Variants in WDR70 observed in about 807,000 individuals in gnomAD.
WDR70 encodes WD repeat-containing protein 70.
In WDR70, 53 loss-of-function variants were observed where a neutral mutation model predicts 88.6. That is an observed-to-expected ratio of 0.60 (90% CI 0.48 to 0.75). WDR70 has a LOEUF of 0.75. Ranked by LOEUF, WDR70 falls within the 30% of genes least tolerant of loss-of-function variation. The pLI is 0.00. For missense variants in WDR70, 610 were observed against 823.2 expected (o/e 0.74, Z 3.17); for synonymous variants, 280 against 270.0 (o/e 1.04, Z -0.36).
chr5:37,661,657 A>G (rs1201213769), intron 10 of WDR70, among the ~76,000 whole-genome samples: 1 of 152,188 alleles, frequency 6.6e-6, no homozygotes, highest in African/African-American at 2.4e-5. Flanking sequence ...TGGAGATAGA[A>G]TCATAGAGGA....
At chr5:37,618,897 T>C (rs1002034232) in intron 10 of WDR70, among the ~76,000 whole-genome samples, 1 of 152,206 alleles carries the variant, frequency 6.6e-6, no homozygotes, top group African/African-American at 2.4e-5. Context: ...GACATAAAGG[T>C]AAATTCCTGG....
intron 10 of WDR70, among the ~76,000 whole-genome samples, chr5:37,640,004 C>T (rs550791818): frequency 9.7e-4 from 147 of 152,162 alleles, no homozygotes; most frequent in African/African-American, 3.2e-3. Flanking sequence ...AAGTAACTTG[C>T]CTATTTTACA....
intron 5 of WDR70, among the ~76,000 whole-genome samples, chr5:37,436,170 A>G (rs570759828): frequency 6.6e-6 from 1 of 152,258 alleles, no homozygotes; most frequent in South Asian, 2.1e-4. Context: ...GGTAAAGAGG[A>G]AAAGAAGCCT....
chr5:37,652,575 T>A (rs1464432827), intron 10 of WDR70, among the ~76,000 whole-genome samples: 1 of 152,232 alleles, frequency 6.6e-6, no homozygotes, highest in Non-Finnish European at 1.5e-5. Context: ...TCCATGAGCA[T>A]GGAATCCTTT....
intron 5 of WDR70, among the ~76,000 whole-genome samples, chr5:37,416,441 T>A (rs1749754540): frequency 6.6e-6 from 1 of 151,674 alleles, no homozygotes. Context: ...GAGGTTGCAG[T>A]GAGCCGAGAT....
At chr5:37,686,219 G>T (rs1746593678) in intron 10 of WDR70, among the ~76,000 whole-genome samples, 1 of 151,816 alleles carries the variant, frequency 6.6e-6, no homozygotes, top group East Asian at 1.9e-4. Flanking sequence ...GGAGGCTGAG[G>T]CAGGAAGATT....
intron 10 of WDR70, among the ~76,000 whole-genome samples, chr5:37,696,046 T>A (rs1482892115): frequency 6.6e-6 from 1 of 152,202 alleles, no homozygotes; most frequent in Admixed American, 6.5e-5. Flanking sequence ...TTACTCTGTA[T>A]TTCCCCATTG....
At chr5:37,626,465 T>C (rs1744668717) in intron 10 of WDR70, among the ~76,000 whole-genome samples, 1 of 152,210 alleles carries the variant, frequency 6.6e-6, no homozygotes, top group African/African-American at 2.4e-5. Flanking sequence ...AAATCCCACT[T>C]GATTATGATG....
intron 5 of WDR70, among the ~76,000 whole-genome samples, chr5:37,418,561 T>G (rs1749834022): frequency 6.6e-6 from 1 of 152,164 alleles, no homozygotes; most frequent in Admixed American, 6.6e-5. Context: ...TCCTTTTTAG[T>G]TGACTACTTC....
At chr5:37,385,888 C>T (rs1748597953) in intron 3 of WDR70, among the ~76,000 whole-genome samples, 1 of 152,050 alleles carries the variant, frequency 6.6e-6, no homozygotes, top group Non-Finnish European at 1.5e-5. Context: ...ACTGCAAGCT[C>T]CGCCTCCCGG....
intron 9 of WDR70, among the ~76,000 whole-genome samples, chr5:37,559,396 T>G (rs1487375014): frequency 6.6e-6 from 1 of 152,160 alleles, no homozygotes; most frequent in African/African-American, 2.4e-5. Flanking sequence ...CCTCCCCCAC[T>G]TTTCCTCTCT....
chr5:37,677,654 A>T (rs1027273428), intron 10 of WDR70, among the ~76,000 whole-genome samples: 3 of 150,964 alleles, frequency 2.0e-5, no homozygotes, highest in African/African-American at 7.3e-5. Context: ...TTTACTTCCA[A>T]CTATGTGGTC....
intron 9 of WDR70, among the ~76,000 whole-genome samples, chr5:37,544,027 C>T (rs1266558402): frequency 6.6e-6 from 1 of 152,196 alleles, no homozygotes; most frequent in East Asian, 1.9e-4. Context: ...CTGCCTCAGC[C>T]TCCCAAAAGT....
intron 7 of WDR70, among the ~76,000 whole-genome samples, chr5:37,474,038 A>T (rs199527909): frequency 6.6e-6 from 1 of 152,120 alleles, no homozygotes; most frequent in East Asian, 1.9e-4. Context: ...TATTTTCATT[A>T]TCATTCAGTT....
At chr5:37,492,502 A>G (rs1421757501) in intron 8 of WDR70, among the ~76,000 whole-genome samples, 2 of 152,186 alleles carry the variant, frequency 1.3e-5, no homozygotes, top group African/African-American at 2.4e-5. Context: ...GTGTGACACA[A>G]TGGACTTTAA....
At chr5:37,497,107 T>C (rs578002972) in intron 8 of WDR70, among the ~76,000 whole-genome samples, 3 of 152,134 alleles carry the variant, frequency 2.0e-5, no homozygotes, top group African/African-American at 7.2e-5. Flanking sequence ...CCCTGTTAAC[T>C]GCTAGTCACT....
At chr5:37,391,169 C>G (rs778425438) in intron 3 of WDR70, among the ~76,000 whole-genome samples, 1 of 152,130 alleles carries the variant, frequency 6.6e-6, no homozygotes, top group Admixed American at 6.5e-5. Context: ...TTTTCTATCA[C>G]TATTTTTATT....
At chr5:37,747,966 C>A (rs1053041908) in intron 17 of WDR70, among the ~76,000 whole-genome samples, 5 of 152,084 alleles carry the variant, frequency 3.3e-5, no homozygotes, top group Non-Finnish European at 7.4e-5. Flanking sequence ...GAACTACAAA[C>A]CACTGATCAA....
intron 9 of WDR70, among the ~76,000 whole-genome samples, chr5:37,523,399 A>G (rs532491457): frequency 6.6e-6 from 1 of 152,378 alleles, no homozygotes; most frequent in African/African-American, 2.4e-5. Flanking sequence ...GTAAACTCCA[A>G]TAGACCTGCA....
Sources: allele counts gnomAD v4.1 joint callset (sites outside exome capture counted in the v4.1 genomes callset), GRCh38; gene constraint gnomAD v4.1.1; transcripts MANE v1.5; gene names NCBI Gene and HGNC (gene_info 2026-07-23, HGNC 2026-07-21).